PSMG2: variants seen among roughly 807,000 people sequenced by gnomAD.
PSMG2 encodes the protein CD40 ligand-activated specific transcript 3.
PSMG2 carries 21 observed loss-of-function variants against 31.5 expected under a neutral mutation model. That is an observed-to-expected ratio of 0.67 (90% confidence interval 0.47 to 0.96). PSMG2 has a LOEUF of 0.96. PSMG2 is among the 40% of genes least tolerant of loss of function. The pLI is 0.00. For missense variants in PSMG2, 318 were observed against 321.2 expected (o/e 0.99, Z 0.08); for synonymous variants, 120 against 110.4 (o/e 1.09, Z -0.54).
upstream of PSMG2, chr18:12,702,737 C>T (rs549995982): frequency 4.8e-6 from 3 of 625,160 alleles, no homozygotes; most frequent in African/African-American, 3.9e-5. Flanking sequence ...GCCCCGGCGG[C>T]GGCGGCGCCA....
At chr18:12,712,577 C>T (rs1007866760) in intron 2 of PSMG2, 125 bp from the exon 3 acceptor site, 2 of 671,892 alleles carry the variant, frequency 3.0e-6, no homozygotes, top group South Asian at 2.1e-5. Context: ...ATATATGTTC[C>T]GTATTTTAAT....
intron 1 of PSMG2, chr18:12,674,796 T>C: frequency 7.6e-7 from 1 of 1,320,108 alleles, no homozygotes; most frequent in Non-Finnish European, 1.1e-6. Context: ...AATACATTAA[T>C]ATTTTTAAAA....
chr18:12,715,405 T>C (rs576313492), intron 3 of PSMG2, among the ~76,000 whole-genome samples: 3 of 152,180 alleles, frequency 2.0e-5, no homozygotes, highest in Non-Finnish European at 4.4e-5. Context: ...TCTCAGTAAA[T>C]ATTTGCTAAG....
At chr18:12,667,651 C>T (rs1467929197) in intron 1 of PSMG2, among the ~76,000 whole-genome samples, 1 of 150,968 alleles carries the variant, frequency 6.6e-6, no homozygotes, top group Non-Finnish European at 1.5e-5. Flanking sequence ...CTCCCAGCTA[C>T]TCGGGAGGCT....
intron 1 of PSMG2, among the ~76,000 whole-genome samples, chr18:12,669,068 T>G: frequency 1.0e-5 from 1 of 97,830 alleles, no homozygotes; most frequent in South Asian, 3.6e-4. Context: ...TGAGACAGAG[T>G]TTCACTGTTT....
chr18:12,711,611 G>T (rs2040332055), intron 2 of PSMG2, among the ~76,000 whole-genome samples: 1 of 152,144 alleles, frequency 6.6e-6, no homozygotes, highest in Non-Finnish European at 1.5e-5. Flanking sequence ...CGAAAGACCT[G>T]TAACAGTAGA....
chr18:12,718,636 G>C lies in PSMG2; in HGVS notation c.407+1G>C. 6.3e-7 allele frequency: 1 copy of C among 1,585,906 alleles called. No individual in the cohort carries two copies. Among genetic ancestry groups the C allele is most frequent in the African/African-American group, 1.3e-5 (1 of 74,360 alleles). The stretch of plus-strand genomic sequence containing the variant: ...AGCGTAATGATCTGCAGCTTCGTAG[G>C]TATGTTTCTGCCTCTGGAAAGTTAT... On this transcript the variant is annotated splice_donor_variant, in intron 4 of 6. Transcript: ENST00000317615. LOFTEE classifies it high-confidence loss of function.
Position 12,720,528 on chromosome 18 carries a change from A to G in PSMG2, c.426A>G (p.Leu142=), listed in dbSNP as rs1444759972. 5.6e-6 allele frequency: 9 copies of G among 1,609,110 alleles called. 1 individual carries two copies. The highest frequency in any genetic ancestry group is 2.2e-5 in the South Asian group (2 of 90,382). Residue 142 remains leucine (L), a synonymous_variant, in exon 5 of 7, where the codon CTA becomes CTG. Transcript: ENST00000317615. ...TTTCTAGTACTCCCTTCCGGTACCT[A>G]CTTACACCTTCCATGCAAAAAAGTG... The part of the protein sequence containing the change: ...LQLRSTPFRY[L]LTPSMQKSVQ...
At chr18:12,692,245 G>A (rs1363169770) in intron 1 of PSMG2, 1 of 151,990 alleles carries the variant, frequency 6.6e-6, no homozygotes, top group Non-Finnish European at 1.5e-5. Flanking sequence ...GAACCCGGGA[G>A]GCAGAGGTTG....
chr18:12,715,920 C>G (rs1264030372), intron 3 of PSMG2, among the ~76,000 whole-genome samples: 3 of 152,202 alleles, frequency 2.0e-5, no homozygotes, highest in Middle Eastern at 3.4e-3. Flanking sequence ...GCTTTCAGAT[C>G]AAGACATAGA....
intron 1 of PSMG2, among the ~76,000 whole-genome samples, chr18:12,689,858 T>C (rs2039686074): frequency 6.6e-6 from 1 of 152,118 alleles, no homozygotes; most frequent in Non-Finnish European, 1.5e-5. Context: ...GGCGTGATCT[T>C]CGCTCACTGC....
chr18:12,699,792 T>C, upstream of PSMG2: 1 of 1,171,548 alleles, frequency 8.5e-7, no homozygotes, highest in Non-Finnish European at 1.2e-6. Context: ...CAATATTTAC[T>C]ATTAACCACA....
At chr18:12,720,952 T>A (rs1568045655) in intron 5 of PSMG2, among the ~76,000 whole-genome samples, 1 of 151,954 alleles carries the variant, frequency 6.6e-6, no homozygotes, top group East Asian at 1.9e-4. Context: ...GATCACGAGG[T>A]CAGATCAATC....
At chr18:12,669,546 T>C (rs1355617341) in intron 1 of PSMG2, among the ~76,000 whole-genome samples, 1 of 152,122 alleles carries the variant, frequency 6.6e-6, no homozygotes, top group African/African-American at 2.4e-5. Flanking sequence ...ATTAACTAAA[T>C]AGACATATAT....
At chr18:12,668,274 T>C (rs147204977) in intron 1 of PSMG2, among the ~76,000 whole-genome samples, 4 of 146,986 alleles carry the variant, frequency 2.7e-5, no homozygotes, top group Non-Finnish European at 4.5e-5. Flanking sequence ...CTCCCCCAAC[T>C]CCTCCCACCG....
rs767221964 is a variant in PSMG2 at position 12,674,540 on chromosome 18, GACATGTGGCAAATGC to G, written c.-37+15770_-37+15784del. On this transcript the variant is annotated intron_variant, in intron 1 of 6. Coordinates refer to the PSMG2 transcript ENST00000585331. Reference sequence around the variant, plus strand: ...ATTCCGTAAATTACACCTTACCGAAGACATGTGGCAAATGCACGTCTTGCATTTCTATACACAAAA... The same window carrying G: ...ATTCCGTAAATTACACCTTACCGAAGACGTCTTGCATTTCTATACACAAAA... 3.7e-6 allele frequency: 6 copies of G among 1,610,904 alleles called. No individual in the cohort carries two copies. In the Admixed American group the frequency reaches 1.0e-4, roughly 27 times the overall value.
At chr18:12,706,482 G>A (rs1333005994) in intron 1 of PSMG2, 68 bp from the exon 2 acceptor site, 4 of 1,541,570 alleles carry the variant, frequency 2.6e-6, no homozygotes, top group South Asian at 1.1e-5. Flanking sequence ...GGCAGACTCT[G>A]TTTCAAAAAA....
At chr18:12,711,142 T>C (rs186939199) in intron 2 of PSMG2, among the ~76,000 whole-genome samples, 1 of 151,948 alleles carries the variant, frequency 6.6e-6, no homozygotes, top group Admixed American at 6.6e-5. Flanking sequence ...CGTGGTGGTG[T>C]GCTCCTGTAA....
At position 12,671,477 on chromosome 18, in the gene PSMG2, G is replaced by A. The variant is rs573242994; in HGVS notation, c.-37+12704G>A. Among the ~76,000 whole-genome samples, 4 of 152,026 alleles carry A rather than the reference G, an allele frequency of 2.6e-5. No individual in the cohort carries two copies. In the South Asian group the frequency reaches 8.3e-4, roughly 32 times the overall value. ...ACTTAAAAAAAATGAAAAGAACTAT[G>A]CACAGAAGTGCTAAATGGGCAATCA... On this transcript the variant is annotated intron_variant, in intron 1 of 6. Transcript: ENST00000585331.
Sources: gnomAD v4.1 joint callset for allele counts (sites outside exome capture counted in the v4.1 genomes callset) on GRCh38, gnomAD v4.1.1 for gene constraint, MANE v1.5 for transcripts, NCBI Gene and HGNC (gene_info 2026-07-23, HGNC 2026-07-21) for gene names.